The following UTRN variants were observed in gnomAD, a reference collection of about 807,000 sequenced individuals.
The protein encoded by UTRN is dystrophin-related protein 1.
UTRN carries 283 observed loss-of-function variants against 463.9 expected under a neutral mutation model. The ratio of observed to expected loss-of-function variants is 0.61; its 90% CI spans 0.55 to 0.67. The LOEUF (loss-of-function observed/expected upper bound fraction) is 0.67. UTRN is among the 30% of genes least tolerant of loss of function. UTRN has a pLI of 0.00. For missense variants in UTRN, 3,922 were observed against 4,084.3 expected (o/e 0.96, Z 1.08); for synonymous variants, 1,442 against 1,431.5 (o/e 1.01, Z -0.17).
At chr6:144,467,594 C>T (rs943776682) in intron 23 of UTRN, among the ~76,000 whole-genome samples, 4 of 152,316 alleles carry the variant, frequency 2.6e-5, no homozygotes, top group Admixed American at 1.3e-4. Context: ...CATGAATGGA[C>T]TTGCTCTGAC....
intron 43 of UTRN, among the ~76,000 whole-genome samples, chr6:144,533,564 A>C (rs1797254984): frequency 6.6e-6 from 1 of 152,078 alleles, no homozygotes; most frequent in Non-Finnish European, 1.5e-5. Context: ...CTGAAACTCC[A>C]GGTTTCAGGT....
rs76276011 is a variant in UTRN, at chr6:144,483,641, G to A, written c.3687+1253G>A. 4.7e-3 allele frequency among the ~76,000 whole-genome samples: 717 copies of A among 152,164 alleles called. 6 individuals carry two copies. Among genetic ancestry groups the A allele is most frequent in the Middle Eastern group, 0.01 (3 of 294 alleles). On this transcript the variant is annotated intron_variant, in intron 27 of 74. Transcript: ENST00000367545. ...TTAAATTTTTTTTGTAGAGATGGGG[G>A]TCTTGCTATGTTGCCCAAGTTGGTC...
chr6:144,692,961 C>T (rs775003132), intron 52 of UTRN, among the ~76,000 whole-genome samples: 3 of 151,010 alleles, frequency 2.0e-5, no homozygotes, highest in Non-Finnish European at 4.4e-5. Context: ...AATTTTTGCC[C>T]ATTCCTATGT....
At chr6:144,387,183 C>T (rs749372496) in intron 2 of UTRN, among the ~76,000 whole-genome samples, 17 of 152,056 alleles carry the variant, frequency 1.1e-4, no homozygotes, top group Non-Finnish European at 1.5e-5. Context: ...CACTTTGTCG[C>T]CCAGGCTGGA....
At chr6:144,335,592 G>A (rs576906131) in intron 2 of UTRN, among the ~76,000 whole-genome samples, 45 of 152,128 alleles carry the variant, frequency 3.0e-4, no homozygotes, top group Non-Finnish European at 5.9e-4. Flanking sequence ...CCTGGGAACC[G>A]GCTCTTTCAC....
intron 53 of UTRN, among the ~76,000 whole-genome samples, chr6:144,701,319 T>TA (rs79923959): frequency 0.033 from 4,685 of 141,338 alleles, 90 homozygotes; most frequent in African/African-American, 0.053. Context: ...GGACTTGTAG[T>TA]AAAAAAAAAA....
chr6:144,327,743 G>A (rs1776061723), intron 2 of UTRN, among the ~76,000 whole-genome samples: 1 of 152,050 alleles, frequency 6.6e-6, no homozygotes. Flanking sequence ...AGGAGTTCGA[G>A]ACCAGCCTGG....
intron 23 of UTRN, among the ~76,000 whole-genome samples, chr6:144,468,912 G>C (rs1489580922): frequency 6.6e-6 from 1 of 152,156 alleles, no homozygotes; most frequent in Non-Finnish European, 1.5e-5. Context: ...AGGCAGAGTA[G>C]AGCTCCCTGT....
intron 47 of UTRN, among the ~76,000 whole-genome samples, 194 bp from the exon 48 acceptor site, chr6:144,550,771 A>T (rs1315107536): frequency 1.3e-5 from 2 of 152,194 alleles, no homozygotes; most frequent in African/African-American, 2.4e-5. Context: ...TCAGGTGCTA[A>T]ATGGAAGAAC....
intron 2 of UTRN, among the ~76,000 whole-genome samples, chr6:144,396,761 G>A (rs1382062730): frequency 2.0e-5 from 3 of 152,138 alleles, no homozygotes; most frequent in African/African-American, 7.2e-5. Context: ...TAGGTAAGGA[G>A]ACATGAATCT....
chr6:144,837,644 C>G (rs905244610), intron 71 of UTRN, among the ~76,000 whole-genome samples: 1 of 152,212 alleles, frequency 6.6e-6, no homozygotes, highest in Admixed American at 6.5e-5. Context: ...GCAGGAACAA[C>G]TTTCTCTCCA....
At chr6:144,404,431 G>T (rs1783207603) in intron 3 of UTRN, among the ~76,000 whole-genome samples, 1 of 152,168 alleles carries the variant, frequency 6.6e-6, no homozygotes, top group Admixed American at 6.5e-5. Flanking sequence ...ATCTGCATGT[G>T]ACCATTTTCC....
At chr6:144,833,192 C>G (rs987911908) in intron 69 of UTRN, among the ~76,000 whole-genome samples, 1 of 152,180 alleles carries the variant, frequency 6.6e-6, no homozygotes, top group African/African-American at 2.4e-5. Context: ...AGATTACCAT[C>G]TACTTTAGTT....
chr6:144,652,760 A>C (rs1243027949), intron 51 of UTRN, among the ~76,000 whole-genome samples: 1 of 152,218 alleles, frequency 6.6e-6, no homozygotes, highest in South Asian at 2.1e-4. Flanking sequence ...TTATGACAAC[A>C]AAAAGGCTTT....
chr6:144,513,485 G>C (rs545999513), intron 35 of UTRN, among the ~76,000 whole-genome samples: 24 of 152,268 alleles, frequency 1.6e-4, no homozygotes, highest in African/African-American at 5.5e-4. Flanking sequence ...GGGAGGTGGA[G>C]GTTGCAGTGA....
Position 144,511,117 on chromosome 6 carries a change from CT to C in UTRN, c.4940del (p.Leu1647Ter). 1 of 1,555,576 alleles carries C rather than the reference CT, an allele frequency of 6.4e-7. No individual in the cohort carries two copies. Among genetic ancestry groups the C allele is most frequent in the East Asian group, 2.3e-5 (1 of 42,958 alleles). On this transcript the variant is annotated frameshift_variant, in exon 35 of 75. Coordinates refer to ENST00000367545, the MANE Select transcript of UTRN (RefSeq NM_007124.3). LOFTEE classifies it high-confidence loss of function. ...RTWTEDWCNT[L>X]MNHQNQLEIF... ...CCTGGACTGAAGATTGGTGCAATACCTTGATGGTATGTCTCAGGAAAAAGTA... is the reference window on the plus strand; with the variant it reads ...CCTGGACTGAAGATTGGTGCAATACCTGATGGTATGTCTCAGGAAAAAGTA...
intron 2 of UTRN, among the ~76,000 whole-genome samples, chr6:144,368,883 C>T (rs1312184140): frequency 2.0e-5 from 3 of 152,174 alleles, no homozygotes; most frequent in Non-Finnish European, 4.4e-5. Context: ...AATGACAGTT[C>T]TTTTGTGACT....
chr6:144,803,855 T>G (rs757815420), intron 65 of UTRN, among the ~76,000 whole-genome samples: 3 of 152,246 alleles, frequency 2.0e-5, no homozygotes, highest in Non-Finnish European at 4.4e-5. Context: ...GTAGGTTATT[T>G]CAGTCAATGA....
At chr6:144,785,867 T>G (rs1405861553) in intron 61 of UTRN, among the ~76,000 whole-genome samples, 2 of 152,224 alleles carry the variant, frequency 1.3e-5, no homozygotes, top group Non-Finnish European at 2.9e-5. Context: ...TTAAAAGGTC[T>G]TAATTTCACA....
Sources: allele counts gnomAD v4.1 joint callset (sites outside exome capture counted in the v4.1 genomes callset), GRCh38; gene constraint gnomAD v4.1.1; transcripts MANE v1.5; gene names NCBI Gene and HGNC (gene_info 2026-07-23, HGNC 2026-07-21).